The following PREX1 variants were observed in gnomAD, a reference collection of about 807,000 sequenced individuals.
The protein encoded by PREX1 is phosphatidylinositol-3,4,5-trisphosphate dependent Rac exchange factor 1, also known as phosphatidylinositol 3,4,5-trisphosphate-dependent Rac exchanger 1 protein.
In PREX1, 41 loss-of-function variants were observed where a neutral mutation model predicts 198.3. The ratio of observed to expected loss-of-function variants is 0.21; its 90% confidence interval spans 0.16 to 0.27. The LOEUF (loss-of-function observed/expected upper bound fraction) is 0.27. Among genes scored for constraint, PREX1 ranks in the 10% least tolerant of loss-of-function variants. The pLI, the probability that PREX1 is intolerant of heterozygous loss-of-function variation, is 1.00. For synonymous variants in PREX1, 843 were observed against 887.2 expected (o/e 0.95, Z 0.89); for missense variants, 1,620 against 2,200.7 (o/e 0.74, Z 5.28).
the PREX1 span, among the ~76,000 whole-genome samples, chr20:48,841,126 G>A: frequency 6.6e-6 from 1 of 152,098 alleles, no homozygotes; most frequent in African/African-American, 2.4e-5. Context: ...TCACTATGTT[G>A]CCCAGGCTGG....
intron 2 of PREX1, among the ~76,000 whole-genome samples, chr20:48,746,940 GAACACACACACACACACACACACA>G (rs2090110334): frequency 8.2e-6 from 1 of 121,304 alleles, no homozygotes; most frequent in African/African-American, 3.2e-5. Flanking sequence ...CCCAGTGCAT[GAACACACACACACACACACACACA>G]CACACACACA....
intron 21 of PREX1, 151 bp downstream of exon 21, chr20:48,652,435 G>T: frequency 1.8e-6 from 2 of 1,102,338 alleles, no homozygotes; most frequent in Non-Finnish European, 2.5e-6. Flanking sequence ...GCCAGAACCT[G>T]TCTCCAAAAA....
At chr20:48,751,411 CA>C (rs2090133474) in intron 1 of PREX1, among the ~76,000 whole-genome samples, 1 of 152,220 alleles carries the variant, frequency 6.6e-6, no homozygotes, top group South Asian at 2.1e-4. Flanking sequence ...CGAGCTCTGC[CA>C]CCGCTATTGT....
chr20:48,840,339 C>CAAAAAAAAAAAAAAAAAAAAAAAAA, the PREX1 span, among the ~76,000 whole-genome samples: 1 of 111,646 alleles, frequency 9.0e-6, no homozygotes, highest in Non-Finnish European at 1.9e-5. Context: ...TAACCTTAAC[C>CAAAAAAAAAAAAAAAAAAAAAAAAA]AAAAAAAAAA....
At chr20:48,837,894 G>T in the PREX1 span, among the ~76,000 whole-genome samples, 6 of 152,036 alleles carry the variant, frequency 3.9e-5, no homozygotes, top group Admixed American at 2.0e-4. Flanking sequence ...AAGAGTGGTG[G>T]CAGAGAAAGA....
chr20:48,723,208 G>A (rs1331925559), intron 5 of PREX1, among the ~76,000 whole-genome samples: 2 of 152,196 alleles, frequency 1.3e-5, no homozygotes, highest in South Asian at 4.1e-4. Flanking sequence ...CACCCCAAGT[G>A]GGAGTTCAGC....
At chr20:48,642,335 C>G (rs144130155) in intron 28 of PREX1, 72 bp downstream of exon 28, 2 of 1,603,108 alleles carry the variant, frequency 1.2e-6, no homozygotes, top group African/African-American at 2.7e-5. Flanking sequence ...CCACAGCCCC[C>G]GGGTCATGGG....
At chr20:48,839,483 T>C in the PREX1 span, among the ~76,000 whole-genome samples, 17 of 152,356 alleles carry the variant, frequency 1.1e-4, no homozygotes, top group African/African-American at 3.6e-4. Flanking sequence ...CAAATGTTTA[T>C]GTAAATGGTA....
chr20:48,807,514 C>A (rs1220531696), intron 1 of PREX1, among the ~76,000 whole-genome samples: 1 of 152,226 alleles, frequency 6.6e-6, no homozygotes, highest in Non-Finnish European at 1.5e-5. Flanking sequence ...TTGCCAATTT[C>A]TTTTGCCATT....
rs550160363 is a variant in PREX1 at position 48,819,562 on chromosome 20, A to G, written c.219+8080T>C. ...CTGTGTGGACTTCAGCAAGTTACTCAGCCTCTCCCGGCTTTAGTTTCCCCA... is the reference window on the plus strand; with the variant it reads ...CTGTGTGGACTTCAGCAAGTTACTCGGCCTCTCCCGGCTTTAGTTTCCCCA... On this transcript the variant is annotated intron_variant, in intron 1 of 39. Coordinates refer to ENST00000371941, the MANE Select transcript of PREX1 (RefSeq NM_020820.4). 3.3e-5 allele frequency among the ~76,000 whole-genome samples: 5 copies of G among 152,294 alleles called. No homozygotes were observed. The East Asian group carries it at 9.6e-4, about 29-fold the overall frequency.
At chr20:48,834,566 C>CTT in the PREX1 span, among the ~76,000 whole-genome samples, 49 of 148,544 alleles carry the variant, frequency 3.3e-4, no homozygotes, top group Admixed American at 1.6e-3. Flanking sequence ...ATTCCTGAGC[C>CTT]TTTTTTTTTT....
chr20:48,834,914 G>T, the PREX1 span, among the ~76,000 whole-genome samples: 787 of 152,100 alleles, frequency 5.2e-3, 5 homozygotes, highest in Non-Finnish European at 8.6e-3. Flanking sequence ...CTGCCACCAC[G>T]CCCAGGTAAT....
chr20:48,832,302 CAG>C (rs2090538926), upstream of PREX1, among the ~76,000 whole-genome samples: 1 of 152,276 alleles, frequency 6.6e-6, no homozygotes, highest in East Asian at 1.9e-4. Context: ...TTGGAAACAT[CAG>C]AGTTTCTTAT....
chr20:48,836,306 G>C, the PREX1 span, among the ~76,000 whole-genome samples: 1 of 152,170 alleles, frequency 6.6e-6, no homozygotes, highest in African/African-American at 2.4e-5. Flanking sequence ...AAGCCTTGGG[G>C]CTGGGCGAGA....
chr20:48,837,654 C>T, the PREX1 span, among the ~76,000 whole-genome samples: 100 of 152,254 alleles, frequency 6.6e-4, 2 homozygotes, highest in South Asian at 0.015. Context: ...GCAACAGACA[C>T]TAGGGCCTAC....
chr20:48,665,240 G>A (rs1207573293), intron 15 of PREX1, among the ~76,000 whole-genome samples: 4 of 143,224 alleles, frequency 2.8e-5, no homozygotes, highest in African/African-American at 5.5e-5. Context: ...CCTGGCTCCA[G>A]ATGGCCTGAA....
intron 17 of PREX1, among the ~76,000 whole-genome samples, 160 bp downstream of exon 17, chr20:48,657,976 A>G (rs1215139663): frequency 6.6e-6 from 1 of 152,186 alleles, no homozygotes; most frequent in African/African-American, 2.4e-5. Context: ...CACTGCAGAC[A>G]GTGGGTCCTG....
chr20:48,776,175 T>C (rs1953587737), intron 1 of PREX1, among the ~76,000 whole-genome samples: 2 of 152,096 alleles, frequency 1.3e-5, no homozygotes, highest in African/African-American at 4.8e-5. Flanking sequence ...CTCTGTAAAA[T>C]GGGGACACAA....
chr20:48,860,141 A>G, the PREX1 span, among the ~76,000 whole-genome samples: 1 of 152,280 alleles, frequency 6.6e-6, no homozygotes. Flanking sequence ...CCAACCACAG[A>G]TGAATAGATT....
Sources: allele counts gnomAD v4.1 joint callset (sites outside exome capture counted in the v4.1 genomes callset), GRCh38; gene constraint gnomAD v4.1.1; transcripts MANE v1.5; gene names NCBI Gene and HGNC (gene_info 2026-07-23, HGNC 2026-07-21).